Variants in COPA observed in about 807,000 individuals in gnomAD.
COPA encodes the protein coat protein complex I subunit alpha.
A neutral mutation model predicts 158.7 loss-of-function variants in COPA; 10 were observed. The ratio of observed to expected loss-of-function variants is 0.06; its 90% confidence interval spans 0.04 to 0.11. The LOEUF (loss-of-function observed/expected upper bound fraction) is 0.11, where lower values mean the gene tolerates loss of function less well. Ranked by LOEUF, COPA falls within the 10% of genes least tolerant of loss-of-function variation. COPA has a pLI of 1.00. For synonymous variants in COPA, 462 were observed against 542.8 expected (o/e 0.85, Z 2.07); for missense variants, 1,065 against 1,536.7 (o/e 0.69, Z 5.13).
intron 6 of COPA, among the ~76,000 whole-genome samples, chr1:160,330,127 C>T (rs72706680): frequency 1.3e-5 from 2 of 151,794 alleles, no homozygotes; most frequent in Non-Finnish European, 2.9e-5. Context: ...GCCACCCCCC[C>T]CAAAAAAAAA....
intron 8 of COPA, among the ~76,000 whole-genome samples, chr1:160,321,971 A>C (rs1453809250): frequency 1.3e-5 from 2 of 152,304 alleles, no homozygotes; most frequent in Admixed American, 1.3e-4. Flanking sequence ...ACCCCCAAAA[A>C]TGGAAAGATA....
chr1:160,295,838 C>T lies in COPA; in HGVS notation c.2374G>A (p.Ala792Thr), dbSNP rs1658383407. 6.2e-7 allele frequency: 1 copy of T among 1,611,480 alleles called. No homozygotes were observed. Among genetic ancestry groups the T allele is most frequent in the East Asian group, 2.2e-5 (1 of 44,876 alleles). The change falls in exon 23 of 33, where the codon GCC (alanine) becomes ACC (threonine). Residue 792 changes from alanine to threonine, a missense_variant. Coordinates refer to ENST00000241704, the MANE Select transcript of COPA (RefSeq NM_004371.4). Reference sequence around the variant, plus strand: ...GGTGCAGGTGGCTGGAGCAGCTTGGCATTAGGGTCAATGTCTGGGATCTGA... The same window carrying T: ...GGTGCAGGTGGCTGGAGCAGCTTGGTATTAGGGTCAATGTCTGGGATCTGA... ...KETIPDIDPN[A>T]KLLQPPAPIM...
chr1:160,333,469 C>G, intron 5 of COPA, 134 bp downstream of exon 5: 1 of 564,174 alleles, frequency 1.8e-6, no homozygotes, highest in African/African-American at 1.9e-5. Flanking sequence ...TTAAAAGCAT[C>G]CTACAAATAC....
intron 23 of COPA, 53 bp downstream of exon 23, chr1:160,295,683 C>CA (rs1400337107): frequency 1.3e-6 from 2 of 1,536,464 alleles, no homozygotes; most frequent in Admixed American, 4.2e-5. Flanking sequence ...TTCTCTAGGA[C>CA]AGTTCTTCAC....
At chr1:160,333,717 C>G (rs74123112) in intron 4 of COPA, 38 bp from the exon 5 acceptor site, 2 of 1,500,668 alleles carry the variant, frequency 1.3e-6, no homozygotes, top group South Asian at 2.3e-5. Context: ...AAACATTAAA[C>G]AAATCTGTTC....
intron 31 of COPA, among the ~76,000 whole-genome samples, 195 bp from the exon 32 acceptor site, chr1:160,290,881 C>T (rs529087550): frequency 1.3e-5 from 2 of 152,308 alleles, no homozygotes; most frequent in South Asian, 4.1e-4. Flanking sequence ...TTCCCCTTCT[C>T]AATACAAAAG....
chr1:160,329,004 T>C (rs910978747), intron 6 of COPA, among the ~76,000 whole-genome samples: 1 of 152,250 alleles, frequency 6.6e-6, no homozygotes, highest in South Asian at 2.1e-4. Flanking sequence ...CATTCAGAAC[T>C]AACTTCTCCC....
chr1:160,335,209 T>C lies in COPA; in HGVS notation c.309+33A>G, dbSNP rs377557687. ...AAGATTACTATGGGGAAACTAAGAA[T>C]GCTCCAAAACTAGCGCCACCATGAC... On this transcript the variant is annotated intron_variant, in intron 4 of 32. Transcript: ENST00000241704. 332 of 1,565,122 alleles carry C rather than the reference T, an allele frequency of 2.1e-4. 1 individual carries two copies. The African/African-American group carries it at 4.2e-3, about 20-fold the overall frequency.
chr1:160,295,342 G>C (rs551780482), intron 23 of COPA, among the ~76,000 whole-genome samples: 6 of 152,300 alleles, frequency 3.9e-5, no homozygotes, highest in South Asian at 4.1e-4. Flanking sequence ...GTGGTGGAGG[G>C]TGATAGCACA....
intron 20 of COPA, 50 bp downstream of exon 20, chr1:160,297,506 C>T (rs1658454724): frequency 3.1e-6 from 5 of 1,612,266 alleles, no homozygotes; most frequent in Non-Finnish European, 4.2e-6. Context: ...AATTCACCTT[C>T]CTCCTTCCCC....
intron 8 of COPA, chr1:160,317,476 G>A (rs1557869576): frequency 1.2e-6 from 2 of 1,609,616 alleles, no homozygotes; most frequent in Admixed American, 1.7e-5. Flanking sequence ...TAAACTCAAA[G>A]TCATTGGACA....
intron 1 of COPA, among the ~76,000 whole-genome samples, chr1:160,341,594 A>C (rs1648052137): frequency 6.6e-6 from 1 of 152,226 alleles, no homozygotes; most frequent in Admixed American, 6.5e-5. Flanking sequence ...ACACTGTATC[A>C]ATATACAGTC....
chr1:160,302,291 CAG>C (rs1234696217), intron 17 of COPA, among the ~76,000 whole-genome samples: 2 of 151,956 alleles, frequency 1.3e-5, no homozygotes, highest in African/African-American at 2.4e-5. Flanking sequence ...CATTTACAAA[CAG>C]AATTTTAAAA....
At chr1:160,305,621 T>C in intron 16 of COPA, 50 bp from the exon 17 acceptor site, 2 of 1,614,124 alleles carry the variant, frequency 1.2e-6, no homozygotes, top group South Asian at 1.1e-5. Context: ...GTAAGTGCCG[T>C]AGACTGGCAG....
intron 4 of COPA, 73 bp from the exon 5 acceptor site, chr1:160,333,752 C>A (rs72706684): frequency 0.022 from 26,413 of 1,204,778 alleles, 363 homozygotes; most frequent in Non-Finnish European, 0.026. Flanking sequence ...AATCATTTTT[C>A]TCTAAAGAAC....
chr1:160,319,519 A>G (rs1659263129), intron 8 of COPA, among the ~76,000 whole-genome samples: 1 of 149,742 alleles, frequency 6.7e-6, no homozygotes, highest in African/African-American at 2.5e-5. Flanking sequence ...GTTAAACTAC[A>G]TACTAGATCT....
intron 26 of COPA, 69 bp from the exon 27 acceptor site, chr1:160,293,303 A>G: frequency 6.2e-7 from 1 of 1,610,324 alleles, no homozygotes; most frequent in Non-Finnish European, 8.5e-7. Context: ...CTGTAACTAT[A>G]GTAGAAAAGT....
At chr1:160,293,116 C>T (rs370138103) in intron 27 of COPA, 50 bp downstream of exon 27, 14 of 1,571,692 alleles carry the variant, frequency 8.9e-6, no homozygotes, top group East Asian at 4.5e-5. Flanking sequence ...AACCATCTCC[C>T]GGGGACCCTG....
chr1:160,310,146 C>G (rs747002921), intron 12 of COPA, 46 bp downstream of exon 12: 2 of 1,228,090 alleles, frequency 1.6e-6, no homozygotes, highest in South Asian at 3.2e-5. Context: ...AGAAAGAGAC[C>G]TATGGAAAAT....
Sources: gnomAD v4.1 joint callset for allele counts (sites outside exome capture counted in the v4.1 genomes callset) on GRCh38, gnomAD v4.1.1 for gene constraint, MANE v1.5 for transcripts, NCBI Gene and HGNC (gene_info 2026-07-23, HGNC 2026-07-21) for gene names.